Variants in SCNN1A observed in about 807,000 individuals in gnomAD.
SCNN1A encodes sodium channel epithelial 1 subunit alpha, also known as epithelial sodium channel subunit alpha.
SCNN1A carries 65 observed loss-of-function variants against 68.6 expected under a neutral mutation model. The observed-to-expected ratio is 0.95, with a 90% CI of 0.78 to 1.16. The LOEUF (loss-of-function observed/expected upper bound fraction) is 1.16, where lower values mean the gene tolerates loss of function less well. SCNN1A is among the 50% of genes most tolerant of loss of function. The probability of loss-of-function intolerance (pLI) is 0.00; values close to 1 mark genes in which losing one functional copy is unlikely to be tolerated. For synonymous variants in SCNN1A, 357 were observed against 353.3 expected (o/e 1.01, Z -0.12); for missense variants, 880 against 865.9 (o/e 1.02, Z -0.20).
At chr12:6,371,420 C>G (rs1293249869) in intron 2 of SCNN1A, among the ~76,000 whole-genome samples, 6 of 151,814 alleles carry the variant, frequency 4.0e-5, no homozygotes, top group Non-Finnish European at 7.4e-5. Flanking sequence ...TTTGCCTGAT[C>G]CCTACTTAAA....
At chr12:6,365,795 T>C (rs1948665395) in intron 2 of SCNN1A, among the ~76,000 whole-genome samples, 1 of 152,214 alleles carries the variant, frequency 6.6e-6, no homozygotes, top group South Asian at 2.1e-4. Flanking sequence ...GGCAAAATTC[T>C]CTTGTAAGAA....
chr12:6,362,000 C>G, intron 4 of SCNN1A, 51 bp downstream of exon 4: 1 of 1,593,780 alleles, frequency 6.3e-7, no homozygotes, highest in Non-Finnish European at 8.6e-7. Context: ...TGAGGCTGAC[C>G]CAGGGAAGCG....
chr12:6,348,799 A>T lies in SCNN1A; in HGVS notation c.1557T>A (p.Asn519Lys), dbSNP rs1948314072. ...AGAAGATGTTGACTTTGGCCACTCC[A>T]TTTCTTAGGTGTGGGGCAGAGGGTG... is the stretch of plus-strand genomic sequence containing the variant. ...QNNYTVNNKR[N>K]GVAKVNIFFK... Residue 519 changes from asparagine (N) to lysine (K), a missense_variant, in exon 12 of 13, where the codon AAT becomes AAA. Asn to Lys is a moderately conservative substitution (Grantham distance 94). This residue lies in a region of SCNN1A where 758 missense variants were observed against 721.8 expected (regional missense o/e 1.05). Coordinates refer to ENST00000228916, the MANE Select transcript of SCNN1A (RefSeq NM_001038.6). 1.2e-6 allele frequency: 2 copies of T among 1,613,432 alleles called. 1 individual carries two copies. The highest frequency in any genetic ancestry group is 2.2e-5 in the South Asian group (2 of 91,046).
At chr12:6,364,980 GAT>G (rs374401907) in intron 2 of SCNN1A, among the ~76,000 whole-genome samples, 9 of 147,502 alleles carry the variant, frequency 6.1e-5, no homozygotes, top group Non-Finnish European at 1.2e-4. Flanking sequence ...AATAAGTGGA[GAT>G]ATATATATAT....
In SCNN1A at chr12:6,347,841, C is replaced by G; in HGVS notation, c.*32G>C. ...CAGCACCCTCCCACCAGAGGAGCATCTGCCTTGGTGTGAGAAACCTCTCCT... is the reference window on the plus strand; with the variant it reads ...CAGCACCCTCCCACCAGAGGAGCATGTGCCTTGGTGTGAGAAACCTCTCCT... On this transcript the variant is annotated 3_prime_UTR_variant, in exon 13 of 13. Transcript: ENST00000228916. 6.3e-7 allele frequency: 1 copy of G among 1,580,558 alleles called. No homozygotes were observed. The highest frequency in any genetic ancestry group is 1.1e-5 in the South Asian group (1 of 88,348).
chr12:6,374,419 G>A lies in SCNN1A; in HGVS notation c.365C>T (p.Ser122Leu), dbSNP rs1309746516. ...YPVSLNINLN[S>L]DKLVFPAVTI... ...CACTGCGGGGAAGACGAGCTTGTCCGAGTTGAGGTTGATGTTGAGGCTGAC... is the reference window on the plus strand; with the variant it reads ...CACTGCGGGGAAGACGAGCTTGTCCAAGTTGAGGTTGATGTTGAGGCTGAC... The change falls in exon 2 of 13, where the codon TCG becomes TTG. Residue 122 changes from serine to leucine, a missense_variant. Coordinates refer to ENST00000228916, the MANE Select transcript of SCNN1A (RefSeq NM_001038.6). The surrounding 1 kb of genome is among the most constrained non-coding windows in gnomAD (Gnocchi z 6.2). 3.1e-6 allele frequency: 5 copies of A among 1,614,104 alleles called. No homozygotes were observed. Among genetic ancestry groups the A allele is most frequent in the Non-Finnish European group, 4.2e-6 (5 of 1,180,038 alleles).
rs538153841 is a variant in SCNN1A, at chr12:6,347,860, C to A, written c.*13G>T. ...GAGCATCTGCCTTGGTGTGAGAAAC[C>A]TCTCCTTCCCTCTCAGGGCCCCCCC... On this transcript the variant is annotated 3_prime_UTR_variant, in exon 13 of 13. Coordinates refer to ENST00000228916, the MANE Select transcript of SCNN1A (RefSeq NM_001038.6). The A allele has an allele frequency of 1.3e-6, 2 of 1,596,774 alleles. No homozygotes were observed. Among genetic ancestry groups the A allele is most frequent in the African/African-American group, 1.3e-5 (1 of 74,658 alleles).
chr12:6,363,549 A>T lies in SCNN1A; in HGVS notation c.578T>A (p.Val193Asp), dbSNP rs1948620229. The change falls in exon 3 of 13, where the codon GTC (valine) becomes GAC (aspartate). Residue 193 changes from valine (V) to aspartate (D), a missense_variant. Around this residue, in one of 3 missense-constraint regions of SCNN1A, gnomAD observed 758 missense variants for 721.8 expected, o/e 1.05. Coordinates refer to ENST00000228916, the MANE Select transcript of SCNN1A (RefSeq NM_001038.6). ...TLPHPLQRLR[V>D]PPPPHGARRA... Reference sequence around the variant, plus strand: ...ACGGGCCCCGTGAGGCGGGGGCGGGACCCTCAGGCGCTGCAAGGGGTGCGG... The same window carrying T: ...ACGGGCCCCGTGAGGCGGGGGCGGGTCCCTCAGGCGCTGCAAGGGGTGCGG... 1 of 1,609,590 alleles carries T rather than the reference A, an allele frequency of 6.2e-7. No individual in the cohort carries two copies. The highest frequency in any genetic ancestry group is 8.5e-7 in the Non-Finnish European group (1 of 1,178,276).
rs377250434 is a variant in SCNN1A, at chr12:6,349,237, G to C, written c.1440-16C>G. 1.2e-6 allele frequency: 2 copies of C among 1,614,150 alleles called. No individual in the cohort carries two copies. The highest frequency in any genetic ancestry group is 1.7e-6 in the Non-Finnish European group (2 of 1,179,988). On this transcript the variant is annotated splice_polypyrimidine_tract_variant and intron_variant, in intron 9 of 12. Coordinates refer to ENST00000228916, the MANE Select transcript of SCNN1A (RefSeq NM_001038.6). Reference sequence around the variant, plus strand: ...GCTGGTCACGCTGGGGATGGAGAAAGGTGCTCAGTGTTGGGGCAGAGCTCT... The same window carrying C: ...GCTGGTCACGCTGGGGATGGAGAAACGTGCTCAGTGTTGGGGCAGAGCTCT...
chr12:6,365,675 C>A (rs1021500285), intron 2 of SCNN1A, among the ~76,000 whole-genome samples: 12 of 152,284 alleles, frequency 7.9e-5, no homozygotes, highest in South Asian at 2.1e-4. Context: ...TCAATCTCTA[C>A]CTTATGCTAT....
Position 6,351,523 on chromosome 12 carries a change from AAG to A in SCNN1A, c.1361-2120_1361-2119del, listed in dbSNP as rs1948386437. ...CTGTATGTAGTCCCAGGTACTCGGG[AAG>A]CTGAGACAGGAGAATTGCTTGAACC... On this transcript the variant is annotated intron_variant, in intron 8 of 12. Coordinates refer to ENST00000228916, the MANE Select transcript of SCNN1A (RefSeq NM_001038.6). This position sits in a 1 kb window ranked among gnomAD's most constrained non-coding sequence, Gnocchi z 4.2. Among the ~76,000 whole-genome samples, 1 of 151,998 alleles carries A rather than the reference AAG, an allele frequency of 6.6e-6. No homozygotes were observed. The highest frequency in any genetic ancestry group is 2.1e-4 in the South Asian group (1 of 4,802).
In SCNN1A at chr12:6,374,444, C is replaced by T. The variant is rs61759861; in HGVS notation, c.340G>A (p.Val114Ile). The stretch of plus-strand genomic sequence containing the variant: ...GAGTTGAGGTTGATGTTGAGGCTGA[C>T]GGGGTAGCTGAAGTACTCTCCGAAA... ...LLFGEYFSYP[V>I]SLNINLNSDK... Residue 114 changes from valine (V) to isoleucine (I), a missense_variant, in exon 2 of 13, where the codon GTC becomes ATC. By Grantham distance (29) the Val-to-Ile change is conservative. Transcript: ENST00000228916. The surrounding 1 kb of genome is among the most constrained non-coding windows in gnomAD (Gnocchi z 6.2). 6.5e-5 allele frequency: 105 copies of T among 1,614,180 alleles called. 1 individual carries two copies. In the African/African-American group the frequency reaches 6.9e-4, roughly 11 times the overall value.
intron 2 of SCNN1A, among the ~76,000 whole-genome samples, chr12:6,370,002 G>A (rs907918450): frequency 1.4e-4 from 21 of 152,192 alleles, no homozygotes; most frequent in South Asian, 4.1e-4. Context: ...CCAGCGGCTG[G>A]AGGGAAGGGA....
intron 2 of SCNN1A, among the ~76,000 whole-genome samples, chr12:6,365,093 G>A (rs56969194): frequency 1.1e-4 from 16 of 146,240 alleles, no homozygotes; most frequent in African/African-American, 3.8e-4. Flanking sequence ...CACAATCGCC[G>A]CTCACTGCAG....
Position 6,348,016 on chromosome 12 carries a change from A to G in SCNN1A, c.1867T>C (p.Ser623Pro). ...GGGCCTGGCTGGGACAAGGACAGAG[A>G]CATGGGGTGGGGGCAGAAGTGGGAA... Reference protein sequence around the residue: ...PPSHFCPHPMSLSLSQPGPAP... With the variant: ...PPSHFCPHPMPLSLSQPGPAP... Residue 623 changes from serine (S) to proline (P), a missense_variant, in exon 13 of 13, where the codon TCT becomes CCT. Physicochemically the swap from Ser to Pro is moderately conservative, Grantham distance 74. Transcript: ENST00000228916. 2 of 1,594,904 alleles carry G rather than the reference A, an allele frequency of 1.3e-6. No individual in the cohort carries two copies. The highest frequency in any genetic ancestry group is 2.3e-5 in the East Asian group (1 of 43,806).
At chr12:6,352,408 C>T (rs1037146240) in intron 8 of SCNN1A, among the ~76,000 whole-genome samples, 1 of 152,186 alleles carries the variant, frequency 6.6e-6, no homozygotes, top group African/African-American at 2.4e-5. Flanking sequence ...GAAGGGGAAG[C>T]AGCTGGCCCT....
chr12:6,356,237 A>T, intron 4 of SCNN1A: 1 of 351,742 alleles, frequency 2.8e-6, no homozygotes, highest in South Asian at 2.7e-5. Flanking sequence ...GCTGCCTTGT[A>T]ACTTCTCTCT....
In SCNN1A at chr12:6,374,710, T is replaced by C. The variant is rs768767909; in HGVS notation, c.74A>G (p.Lys25Arg). The change falls in exon 2 of 13, where the codon AAG (lysine) becomes AGG (arginine). Residue 25 changes from lysine (K) to arginine (R), a missense_variant. Physicochemically the swap from Lys to Arg is conservative, Grantham distance 26. This residue lies in a region of SCNN1A where 77 missense variants were observed against 67.4 expected (regional missense o/e 1.14). Coordinates refer to ENST00000228916, the MANE Select transcript of SCNN1A (RefSeq NM_001038.6). This position sits in a 1 kb window ranked among gnomAD's most constrained non-coding sequence, Gnocchi z 6.2. ...GGGGCCCAGCCCCTGCTCCTCACGC[T>C]TGTTCCCCTTCATGAGCCCTGGAGT... ...QSTPGLMKGN[K>R]REEQGLGPEP... 4.3e-6 allele frequency: 7 copies of C among 1,614,092 alleles called. No individual in the cohort carries two copies. The highest frequency in any genetic ancestry group is 1.7e-4 in the Middle Eastern group (1 of 6,060).
chr12:6,366,153 C>T (rs1017099407), intron 2 of SCNN1A, among the ~76,000 whole-genome samples: 1 of 151,942 alleles, frequency 6.6e-6, no homozygotes, highest in African/African-American at 2.4e-5. Flanking sequence ...CACGCCCAGC[C>T]GAACAGACCT....
Sources: gnomAD v4.1 joint callset for allele counts (sites outside exome capture counted in the v4.1 genomes callset) on GRCh38, gnomAD v4.1.1 for gene constraint, gnomAD v4.1.1 regional missense constraint, Gnocchi (gnomAD v3.1) non-coding constraint, MANE v1.5 for transcripts, NCBI Gene and HGNC (gene_info 2026-07-23, HGNC 2026-07-21) for gene names.